Variants in ISM1 observed in about 807,000 individuals in gnomAD.
ISM1 encodes isthmin-1.
A neutral mutation model predicts 46.3 loss-of-function variants in ISM1; 25 were observed. That is an observed-to-expected ratio of 0.54 (90% CI 0.39 to 0.75). The LOEUF is 0.75. ISM1 is among the 30% of genes least tolerant of loss of function. The pLI is 0.00. For synonymous variants in ISM1, 255 were observed against 256.7 expected (o/e 0.99, Z 0.06); for missense variants, 536 against 625.4 (o/e 0.86, Z 1.52).
chr20:13,239,972 G>C (rs1410157670), intron 1 of ISM1, among the ~76,000 whole-genome samples: 1 of 152,154 alleles, frequency 6.6e-6, no homozygotes, highest in Non-Finnish European at 1.5e-5. Flanking sequence ...TAAAGTGCTG[G>C]GATCCTGCTA....
At chr20:13,232,596 A>G (rs1263700720) in intron 1 of ISM1, among the ~76,000 whole-genome samples, 1 of 152,256 alleles carries the variant, frequency 6.6e-6, no homozygotes, top group African/African-American at 2.4e-5. Flanking sequence ...ACATTCAGGT[A>G]TAAGCCTTTG....
intron 1 of ISM1, among the ~76,000 whole-genome samples, chr20:13,236,348 G>A (rs1180071949): frequency 6.6e-6 from 1 of 152,124 alleles, no homozygotes; most frequent in African/African-American, 2.4e-5. Flanking sequence ...GAGTTAGCAT[G>A]GGAAAGACTG....
chr20:13,289,215 TAG>T (rs2040326928), intron 4 of ISM1, among the ~76,000 whole-genome samples: 1 of 152,226 alleles, frequency 6.6e-6, no homozygotes, highest in Non-Finnish European at 1.5e-5. Flanking sequence ...TTATTTAATT[TAG>T]AGGAGGGACT....
At chr20:13,323,012 C>T in the ISM1 span, among the ~76,000 whole-genome samples, 1 of 152,098 alleles carries the variant, frequency 6.6e-6, no homozygotes, top group Non-Finnish European at 1.5e-5. Flanking sequence ...GAAAACGCCA[C>T]AGTCCTTCCT....
intron 2 of ISM1, among the ~76,000 whole-genome samples, chr20:13,277,860 A>T (rs1393139495): frequency 6.6e-6 from 1 of 151,800 alleles, no homozygotes; most frequent in African/African-American, 2.4e-5. Context: ...ATGTGTCCAG[A>T]CTCCACAAAA....
intron 1 of ISM1, 62 bp from the exon 2 acceptor site, chr20:13,270,442 A>G: frequency 6.5e-7 from 1 of 1,538,998 alleles, no homozygotes; most frequent in Non-Finnish European, 8.8e-7. Flanking sequence ...ATGGACTGTT[A>G]AGGGTGACAT....
At chr20:13,320,454 T>C in the ISM1 span, among the ~76,000 whole-genome samples, 11 of 152,152 alleles carry the variant, frequency 7.2e-5, no homozygotes, top group Non-Finnish European at 1.5e-4. Flanking sequence ...AACCGAACTC[T>C]GGTTAATTTA....
chr20:13,225,882 A>C (rs1236527882), intron 1 of ISM1, among the ~76,000 whole-genome samples: 1 of 152,200 alleles, frequency 6.6e-6, no homozygotes, highest in African/African-American at 2.4e-5. Flanking sequence ...ATAGATATGG[A>C]TATAGATATA....
chr20:13,321,148 G>A, the ISM1 span, among the ~76,000 whole-genome samples: 2 of 150,504 alleles, frequency 1.3e-5, no homozygotes, highest in African/African-American at 4.9e-5. Context: ...GTTTCCGTGA[G>A]CTGAGATCAT....
chr20:13,299,444 G>T lies in ISM1; in HGVS notation c.1380G>T (p.Glu460Asp). Reference protein sequence around the residue: ...SDEDYIKQFQEAREY With the variant: ...SDEDYIKQFQDAREY ...AGGACTACATCAAGCAGTTCCAAGA[G>T]GCCAGGGAATATTAAAGAGACTGGG... The change falls in exon 6 of 6, where the codon GAG becomes GAT. Residue 460 changes from glutamate (E) to aspartate (D), a missense_variant. Transcript: ENST00000262487. The surrounding 1 kb of genome is among the most constrained non-coding windows in gnomAD (Gnocchi z 5.8). 1 of 1,601,038 alleles carries T rather than the reference G, an allele frequency of 6.2e-7. No individual in the cohort carries two copies. Among genetic ancestry groups the T allele is most frequent in the Non-Finnish European group, 8.5e-7 (1 of 1,175,534 alleles).
At chr20:13,235,249 C>A (rs2039634687) in intron 1 of ISM1, among the ~76,000 whole-genome samples, 1 of 152,144 alleles carries the variant, frequency 6.6e-6, no homozygotes, top group Non-Finnish European at 1.5e-5. Flanking sequence ...GGTTACCTGC[C>A]ACACATTTCT....
chr20:13,281,520 G>C (rs2040238181), intron 3 of ISM1, among the ~76,000 whole-genome samples: 1 of 152,222 alleles, frequency 6.6e-6, no homozygotes, highest in African/African-American at 2.4e-5. Flanking sequence ...GCACTTTACA[G>C]ATGGGAAAAC....
intron 2 of ISM1, among the ~76,000 whole-genome samples, 155 bp downstream of exon 2, chr20:13,270,898 G>T (rs1300510572): frequency 6.6e-6 from 1 of 152,158 alleles, no homozygotes; most frequent in Non-Finnish European, 1.5e-5. Flanking sequence ...GAACAGTGCT[G>T]CATTTCATTA....
chr20:13,318,477 G>A, the ISM1 span, among the ~76,000 whole-genome samples: 7 of 152,276 alleles, frequency 4.6e-5, no homozygotes, highest in African/African-American at 1.4e-4. Context: ...GTGCTGCTTG[G>A]TATTTACCCA....
chr20:13,244,922 C>T (rs1350835621), intron 1 of ISM1, among the ~76,000 whole-genome samples: 2 of 152,156 alleles, frequency 1.3e-5, no homozygotes, highest in Admixed American at 1.3e-4. Flanking sequence ...AACATCAGGT[C>T]ATGTTTCTTT....
At chr20:13,314,507 C>G in the ISM1 span, among the ~76,000 whole-genome samples, 1 of 151,772 alleles carries the variant, frequency 6.6e-6, no homozygotes, top group East Asian at 1.9e-4. Flanking sequence ...AAAAAACCAC[C>G]TAGATCCTGT....
At chr20:13,263,970 GT>G (rs2040016701) in intron 1 of ISM1, among the ~76,000 whole-genome samples, 2 of 127,524 alleles carry the variant, frequency 1.6e-5, no homozygotes, top group Admixed American at 8.8e-5. Context: ...GGGTTTTTTT[GT>G]TTTTCTTTAG....
chr20:13,315,177 T>C, the ISM1 span, among the ~76,000 whole-genome samples: 1 of 152,058 alleles, frequency 6.6e-6, no homozygotes, highest in Non-Finnish European at 1.5e-5. Context: ...ATAAATATGA[T>C]AGGTATTGAT....
chr20:13,302,053 C>T (rs74994705), downstream of ISM1, among the ~76,000 whole-genome samples: 8,432 of 152,014 alleles, frequency 0.055, 322 homozygotes, highest in Admixed American at 0.093. Context: ...TTCTGAAAAC[C>T]GGGAGTTTAA....
Sources: allele counts gnomAD v4.1 joint callset (sites outside exome capture counted in the v4.1 genomes callset), GRCh38; gene constraint gnomAD v4.1.1; non-coding constraint Gnocchi (gnomAD v3.1); transcripts MANE v1.5; gene names NCBI Gene and HGNC (gene_info 2026-07-23, HGNC 2026-07-21).